FAM13A: variants seen among roughly 807,000 people sequenced by gnomAD.
FAM13A encodes the protein family with sequence similarity 13 member A, also known as protein FAM13A.
A neutral mutation model predicts 129.6 loss-of-function variants in FAM13A; 76 were observed. The ratio of observed to expected loss-of-function variants is 0.59; its 90% CI spans 0.49 to 0.71. The LOEUF (loss-of-function observed/expected upper bound fraction) is 0.71, where lower values mean the gene tolerates loss of function less well. Among genes scored for constraint, FAM13A ranks in the 30% least tolerant of loss-of-function variants. FAM13A has a pLI of 0.00. For synonymous variants in FAM13A, 443 were observed against 449.9 expected, an observed-to-expected ratio of 0.98 and a Z score of 0.20; for missense variants, 1,108 against 1,249.3, an observed-to-expected ratio of 0.89 and a Z score of 1.70.
chr4:88,879,370 T>C (rs1448863795), intron 6 of FAM13A, among the ~76,000 whole-genome samples: 1 of 151,942 alleles, frequency 6.6e-6, no homozygotes, highest in Non-Finnish European at 1.5e-5. Flanking sequence ...ACTAGAAAAG[T>C]GGGAAGTAAT....
intron 8 of FAM13A, among the ~76,000 whole-genome samples, chr4:88,797,850 C>G (rs1726547565): frequency 1.3e-5 from 2 of 152,108 alleles, no homozygotes; most frequent in African/African-American, 4.8e-5. Context: ...AGAAGATTAA[C>G]AATATTAGTT....
intron 4 of FAM13A, among the ~76,000 whole-genome samples, chr4:88,938,730 T>C (rs1754239530): frequency 6.6e-6 from 1 of 152,208 alleles, no homozygotes; most frequent in African/African-American, 2.4e-5. Flanking sequence ...GAAGGTCTAT[T>C]ACACTATTCT....
chr4:88,832,601 T>C (rs1236534771), intron 7 of FAM13A, among the ~76,000 whole-genome samples: 3 of 152,116 alleles, frequency 2.0e-5, no homozygotes, highest in Non-Finnish European at 4.4e-5. Context: ...CAAAAGAAGA[T>C]GTTTATGTGG....
At chr4:88,959,446 T>C (rs1758284685) in intron 4 of FAM13A, among the ~76,000 whole-genome samples, 1 of 152,206 alleles carries the variant, frequency 6.6e-6, no homozygotes, top group Non-Finnish European at 1.5e-5. Context: ...TGAGATCTGG[T>C]CGTTTAAAAG....
At chr4:88,963,092 G>A (rs541136569) in intron 4 of FAM13A, among the ~76,000 whole-genome samples, 5 of 151,904 alleles carry the variant, frequency 3.3e-5, no homozygotes, top group African/African-American at 1.2e-4. Context: ...TTATTTACAA[G>A]AAGCAAGTAT....
At chr4:88,874,677 C>G (rs201219963) in intron 6 of FAM13A, among the ~76,000 whole-genome samples, 25 of 152,170 alleles carry the variant, frequency 1.6e-4, no homozygotes, top group South Asian at 1.0e-3. Context: ...CATGCTCATG[C>G]ATAGGAAGAA....
intron 3 of FAM13A, among the ~76,000 whole-genome samples, chr4:89,004,464 C>T (rs747884849): frequency 6.6e-6 from 1 of 152,112 alleles, no homozygotes; most frequent in Non-Finnish European, 1.5e-5. Flanking sequence ...ACTTAGCCAA[C>T]GATGAGAAAG....
chr4:88,917,169 A>G (rs1750255605), intron 5 of FAM13A, among the ~76,000 whole-genome samples: 1 of 152,226 alleles, frequency 6.6e-6, no homozygotes, highest in Non-Finnish European at 1.5e-5. Context: ...AAGAAAAAAG[A>G]TTTATTTGGC....
intron 1 of FAM13A, among the ~76,000 whole-genome samples, chr4:89,052,260 T>C (rs796813880): frequency 7.1e-6 from 1 of 141,768 alleles, no homozygotes; most frequent in East Asian, 2.0e-4. Context: ...CTTTCTTTTT[T>C]TTTTTTCTTT....
intron 4 of FAM13A, among the ~76,000 whole-genome samples, chr4:88,945,994 A>ATGTATGTATGTG (rs1386008438): frequency 1.9e-4 from 12 of 63,498 alleles, no homozygotes; most frequent in Non-Finnish European, 3.6e-4. Context: ...GTGTGTGTAT[A>ATGTATGTATGTG]TATATATATA....
intron 20 of FAM13A, 87 bp from the exon 21 acceptor site, chr4:88,737,642 T>G (rs996678222): frequency 2.0e-6 from 2 of 995,722 alleles, no homozygotes; most frequent in Non-Finnish European, 3.2e-6. Context: ...TCACCAGTAT[T>G]TATTAACTTT....
chr4:88,890,341 G>T (rs1434544332), intron 6 of FAM13A, among the ~76,000 whole-genome samples: 1 of 152,212 alleles, frequency 6.6e-6, no homozygotes, highest in Non-Finnish European at 1.5e-5. Flanking sequence ...CTCTTAGGAA[G>T]CTGGATCCTC....
chr4:89,047,265 G>T (rs1560947964), intron 1 of FAM13A, among the ~76,000 whole-genome samples: 2 of 151,752 alleles, frequency 1.3e-5, no homozygotes, highest in Admixed American at 1.3e-4. Flanking sequence ...ATATTAAGTG[G>T]TTTTTTTTGG....
Position 88,885,262 on chromosome 4 carries a change from T to C in FAM13A, c.843+21117A>G, listed in dbSNP as rs150387775. 5.6e-3 allele frequency among the ~76,000 whole-genome samples: 849 copies of C among 152,168 alleles called. 4 individuals are homozygous for C. Among genetic ancestry groups the C allele is most frequent in the Non-Finnish European group, 9.6e-3 (653 of 67,996 alleles). On this transcript the variant is annotated intron_variant, in intron 6 of 23. Coordinates refer to ENST00000264344, the MANE Select transcript of FAM13A (RefSeq NM_014883.4). ...CATCACATTACCCAACCTCAAACTA[T>C]ACTATAAGGCCATAGTCACCAAAAC... is the stretch of plus-strand genomic sequence containing the variant.
At chr4:88,930,662 C>T (rs1752891454) in intron 5 of FAM13A, among the ~76,000 whole-genome samples, 1 of 152,130 alleles carries the variant, frequency 6.6e-6, no homozygotes, top group African/African-American at 2.4e-5. Context: ...AGGGCTGATT[C>T]TTGGGCCTCC....
At chr4:89,039,821 G>A (rs1769874305) in intron 1 of FAM13A, among the ~76,000 whole-genome samples, 1 of 151,846 alleles carries the variant, frequency 6.6e-6, no homozygotes, top group Admixed American at 6.6e-5. Flanking sequence ...GGGCATGATG[G>A]CTAATCCTCC....
At chr4:88,796,735 C>T (rs1159547126) in intron 8 of FAM13A, among the ~76,000 whole-genome samples, 1 of 150,220 alleles carries the variant, frequency 6.7e-6, no homozygotes. Context: ...AGTAGTTTAG[C>T]TTTTCTCAAA....
chr4:88,855,342 A>G (rs1738307249), intron 6 of FAM13A: 1 of 152,208 alleles, frequency 6.6e-6, no homozygotes, highest in South Asian at 2.1e-4. Flanking sequence ...GGACAAAACT[A>G]GATGGAAGAT....
intron 7 of FAM13A, among the ~76,000 whole-genome samples, chr4:88,810,891 T>G (rs898729519): frequency 2.6e-5 from 4 of 152,166 alleles, no homozygotes; most frequent in African/African-American, 9.6e-5. Context: ...TGCTGGGATA[T>G]TTTCTATTTC....
Sources: gnomAD v4.1 joint callset for allele counts (sites outside exome capture counted in the v4.1 genomes callset) on GRCh38, gnomAD v4.1.1 for gene constraint, MANE v1.5 for transcripts, NCBI Gene and HGNC (gene_info 2026-07-23, HGNC 2026-07-21) for gene names.